The following USP45 variants were observed in gnomAD, a reference collection of about 807,000 sequenced individuals.
The protein encoded by USP45 is ubiquitin carboxyl-terminal hydrolase 45.
Under a neutral mutation model 95.8 loss-of-function variants are expected in USP45, and 89 were observed. The observed-to-expected ratio is 0.93, with a 90% CI of 0.78 to 1.11. The LOEUF is 1.11. Among genes scored for constraint, USP45 ranks in the 50% least tolerant of loss-of-function variants. The probability of loss-of-function intolerance (pLI) is 0.00; values close to 1 mark genes in which losing one functional copy is unlikely to be tolerated. For missense variants in USP45, 898 were observed against 942.5 expected (o/e 0.95, Z 0.62); for synonymous variants, 281 against 316.2 (o/e 0.89, Z 1.18).
intron 4 of USP45, among the ~76,000 whole-genome samples, chr6:99,507,134 G>A (rs932047242): frequency 6.6e-6 from 1 of 152,188 alleles, no homozygotes; most frequent in Non-Finnish European, 1.5e-5. Flanking sequence ...TTCAACCCAC[G>A]AGGCAGAGAT....
At chr6:99,505,874 C>T (rs749919697) in intron 4 of USP45, among the ~76,000 whole-genome samples, 99 of 152,212 alleles carry the variant, frequency 6.5e-4, no homozygotes, top group African/African-American at 2.3e-3. Flanking sequence ...ACAAGATCTC[C>T]CTGAGATTCT....
In USP45 at chr6:99,508,793, T is replaced by A; in HGVS notation, c.101-11A>T. ...GGCAAGTTAAACCTACTGAATAAGA[T>A]AAAACAAAATCTCAACATTTTCTTT... On this transcript the variant is annotated splice_polypyrimidine_tract_variant and intron_variant, in intron 2 of 17. Transcript: ENST00000500704. 6.3e-7 allele frequency: 1 copy of A among 1,596,862 alleles called. No individual in the cohort carries two copies. The highest frequency in any genetic ancestry group is 8.5e-7 in the Non-Finnish European group (1 of 1,172,724).
upstream of USP45, among the ~76,000 whole-genome samples, chr6:99,516,169 T>C (rs1402101172): frequency 6.6e-6 from 1 of 152,174 alleles, no homozygotes; most frequent in Non-Finnish European, 1.5e-5. Context: ...TGCTGTTGTC[T>C]TACCTATCCT....
At position 99,465,080 on chromosome 6, in the gene USP45, C is replaced by T. The variant is rs1787585351; in HGVS notation, c.1164G>A (p.Arg388=). 1.3e-6 allele frequency: 2 copies of T among 1,591,132 alleles called. No homozygotes were observed. The highest frequency in any genetic ancestry group is 1.7e-5 in the Admixed American group (1 of 58,172). The change falls in exon 12 of 18, where the codon AGG becomes AGA. Residue 388 remains arginine (R), a splice_region_variant and synonymous_variant. Transcript: ENST00000500704. ...IDISLPIIEE[R]VSKPLLWGRM... is the part of the protein sequence containing the mutation. ...TCATCATTAGTTTTCTTCTCCTTACCCTTTCTTCTATTATAGGAAGTGAAA... is the reference window on the plus strand; with the variant it reads ...TCATCATTAGTTTTCTTCTCCTTACTCTTTCTTCTATTATAGGAAGTGAAA...
At chr6:99,475,978 C>A (rs1210685244) in intron 9 of USP45, among the ~76,000 whole-genome samples, 165 bp downstream of exon 9, 1 of 152,086 alleles carries the variant, frequency 6.6e-6, no homozygotes, top group Non-Finnish European at 1.5e-5. Flanking sequence ...GTATGCACCA[C>A]CATGCGCGGC....
intron 17 of USP45, among the ~76,000 whole-genome samples, chr6:99,436,206 T>G (rs1780451238): frequency 6.6e-6 from 1 of 151,802 alleles, no homozygotes; most frequent in Non-Finnish European, 1.5e-5. Flanking sequence ...TGTGTCCATG[T>G]GTACTCATTA....
chr6:99,465,839 A>G (rs1463198234), intron 11 of USP45, among the ~76,000 whole-genome samples: 1 of 152,214 alleles, frequency 6.6e-6, no homozygotes, highest in East Asian at 1.9e-4. Context: ...AAGCAATTGA[A>G]AATCTACAAA....
intron 16 of USP45, among the ~76,000 whole-genome samples, chr6:99,439,458 AG>A (rs1302118939): frequency 6.6e-6 from 1 of 152,214 alleles, no homozygotes; most frequent in Non-Finnish European, 1.5e-5. Flanking sequence ...ACAGTTCACA[AG>A]GAACAATCGA....
chr6:99,507,981 C>T (rs760528346), intron 3 of USP45, among the ~76,000 whole-genome samples: 10 of 152,144 alleles, frequency 6.6e-5, no homozygotes, highest in Non-Finnish European at 8.8e-5. Flanking sequence ...AAGTCAAATC[C>T]GCTGAATCTT....
chr6:99,439,793 T>C lies in USP45; in HGVS notation c.2136A>G (p.Ala712=), dbSNP rs771374031. ...HVDFPLMLDL[A]PFCSATCKNA... ...CCTTACAAGTAGCAGAGCAGAATGGTGCTAAATCGAGCATAAGTGGAAAAT... is the reference window on the plus strand; with the variant it reads ...CCTTACAAGTAGCAGAGCAGAATGGCGCTAAATCGAGCATAAGTGGAAAAT... Residue 712 remains alanine, a synonymous_variant, in exon 16 of 18, where the codon GCA becomes GCG. Coordinates refer to ENST00000500704, the MANE Select transcript of USP45 (RefSeq NM_001346022.3). The C allele has an allele frequency of 8.1e-6, 13 of 1,606,970 alleles. No homozygotes were observed. Among genetic ancestry groups the C allele is most frequent in the Non-Finnish European group, 1.1e-5 (13 of 1,176,266 alleles).
At chr6:99,439,132 A>G (rs1236026358) in intron 16 of USP45, among the ~76,000 whole-genome samples, 1 of 152,214 alleles carries the variant, frequency 6.6e-6, no homozygotes, top group Non-Finnish European at 1.5e-5. Flanking sequence ...TAAGCATTCT[A>G]TTACATACTA....
rs2128533918 is a variant in USP45 at position 99,440,649 on chromosome 6, C to T, written c.2074-794G>A. 2.6e-5 allele frequency among the ~76,000 whole-genome samples: 4 copies of T among 152,290 alleles called. No individual in the cohort carries two copies. In the South Asian group the frequency reaches 8.3e-4, roughly 32 times the overall value. On this transcript the variant is annotated intron_variant, in intron 15 of 17. Transcript: ENST00000500704. ...TACTAATCACAAGTTTACTGTAGAT[C>T]TGTTGCTTTTTTATGGCTTATCTTT...
chr6:99,459,324 T>C (rs1562336271), intron 13 of USP45, among the ~76,000 whole-genome samples: 1 of 152,206 alleles, frequency 6.6e-6, no homozygotes, highest in Non-Finnish European at 1.5e-5. Context: ...TCTTATTCTT[T>C]TTTATGGCTG....
At position 99,432,823 on chromosome 6, in the gene USP45, C is replaced by G. The variant is rs1010689487; in HGVS notation, c.*2893G>C. ...TACAAAAATTAGATGAGGGTTGATA[C>G]ATTTCACAGCTTAATCTTCAGAAAA... On this transcript the variant is annotated 3_prime_UTR_variant, in exon 18 of 18. Coordinates refer to ENST00000500704, the MANE Select transcript of USP45 (RefSeq NM_001346022.3). 3.9e-5 allele frequency: 6 copies of G among 152,600 alleles called. No individual in the cohort carries two copies. Among genetic ancestry groups the G allele is most frequent in the Non-Finnish European group, 7.3e-5 (5 of 68,030 alleles). 9.5% of individuals were successfully genotyped at this position (152,600 alleles called of 1,614,324 possible).
rs554927779 is a variant in USP45 at position 99,468,543 on chromosome 6, C to CT, written c.1008dup (p.Val337SerfsTer21). 4.4e-6 allele frequency: 7 copies of CT among 1,599,930 alleles called. No individual in the cohort carries two copies. Among genetic ancestry groups the CT allele is most frequent in the Non-Finnish European group, 5.1e-6 (6 of 1,170,550 alleles). ...TAACAAAGAGTCAACATACCTTTGA[C>CT]TTTTTTTCTAGTTTCATCATCAGCA... is the stretch of plus-strand genomic sequence containing the variant. On this transcript the variant is annotated frameshift_variant, in exon 10 of 18. Transcript: ENST00000500704. LOFTEE classifies it high-confidence loss of function.
intron 10 of USP45, 116 bp from the exon 11 acceptor site, chr6:99,466,879 T>C: frequency 1.5e-6 from 1 of 687,464 alleles, no homozygotes; most frequent in Non-Finnish European, 2.5e-6. Flanking sequence ...GTACTACATT[T>C]AATAATACAT....
intron 7 of USP45, among the ~76,000 whole-genome samples, chr6:99,487,922 T>C (rs1794348464): frequency 6.6e-6 from 1 of 152,242 alleles, no homozygotes; most frequent in Non-Finnish European, 1.5e-5. Context: ...TTTTGCTCAA[T>C]AGAAGTCACA....
At chr6:99,486,563 CTA>C (rs1232665081) in intron 7 of USP45, among the ~76,000 whole-genome samples, 4 of 150,868 alleles carry the variant, frequency 2.7e-5, no homozygotes, top group Non-Finnish European at 4.4e-5. Flanking sequence ...TGCTTTTCGA[CTA>C]TATATACATA....
At chr6:99,517,739 A>G (rs1801195842), upstream of USP45, among the ~76,000 whole-genome samples, 1 of 151,128 alleles carries the variant, frequency 6.6e-6, no homozygotes, top group Non-Finnish European at 1.5e-5. Context: ...CACCGAGCCC[A>G]GCTCCTTTTT....
Sources: gnomAD v4.1 joint callset for allele counts (sites outside exome capture counted in the v4.1 genomes callset) on GRCh38, gnomAD v4.1.1 for gene constraint, MANE v1.5 for transcripts, NCBI Gene and HGNC (gene_info 2026-07-23, HGNC 2026-07-21) for gene names.